Variants in CARHSP1 observed in about 807,000 individuals in gnomAD.
The protein encoded by CARHSP1 is calcium regulated heat stable protein 1, also known as calcium-regulated heat-stable protein 1.
Under a neutral mutation model 12.5 loss-of-function variants are expected in CARHSP1, and 14 were observed. That is an observed-to-expected ratio of 1.12 (90% CI 0.74 to 1.75). The LOEUF is 1.75. Ranked by LOEUF, CARHSP1 falls within the 40% of genes most tolerant of loss-of-function variation. The pLI, the probability that CARHSP1 is intolerant of heterozygous loss-of-function variation, is 0.00. For synonymous variants in CARHSP1, 161 were observed against 82.0 expected (o/e 1.96, Z -5.20); for missense variants, 343 against 201.6 (o/e 1.70, Z -4.25).
chr16:8,862,019 A>ATTTTTTTTTTTTTTTTTTTTTT (rs1555457429), intron 1 of CARHSP1, among the ~76,000 whole-genome samples: 65 of 72,510 alleles, frequency 9.0e-4, no homozygotes, highest in Admixed American at 1.5e-3. Flanking sequence ...TTTTTTTTTA[A>ATTTTTTTTTTTTTTTTTTTTTT]TTTGAGATGG....
intron 1 of CARHSP1, 188 bp downstream of exon 1, chr16:8,868,778 G>A (rs933047436): frequency 3.3e-5 from 5 of 152,138 alleles, no homozygotes; most frequent in African/African-American, 9.7e-5. Flanking sequence ...CCTTCCCCTG[G>A]GGAGGAGCAA....
rs1472338087 is a variant in CARHSP1 at position 8,857,265 on chromosome 16, T to TTTTTGTTTTTTG, written c.281+1084_281+1085insCAAAAAACAAAA. ...GCTATGTGATCTTGGGCAGATCTGT[T>TTTTTGTTTTTTG]TTTTTTTTTTTTTTTTTTTTTTTTT... is the stretch of plus-strand genomic sequence containing the variant. On this transcript the variant is annotated intron_variant, in intron 3 of 3. Coordinates refer to ENST00000311052, the MANE Select transcript of CARHSP1 (RefSeq NM_014316.4). Among the ~76,000 whole-genome samples, 30 of 11,840 alleles carry TTTTTGTTTTTTG rather than the reference T, an allele frequency of 2.5e-3. 6 individuals carry two copies. The highest frequency in any genetic ancestry group is 8.0e-3 in the East Asian group (4 of 502). 7.8% of individuals were successfully genotyped at this position (11,840 alleles called of 152,430 possible).
Position 8,853,418 on chromosome 16 carries a change from G to A in CARHSP1, c.*1746C>T, listed in dbSNP as rs1215872846. ...ATGTACAAGGAGCATCGCAGGCGAG[G>A]AAACAATGGCCAGGACCTAACTGTG... On this transcript the variant is annotated 3_prime_UTR_variant, in exon 4 of 4. Coordinates refer to ENST00000311052, the MANE Select transcript of CARHSP1 (RefSeq NM_014316.4). The A allele has an allele frequency of 3.0e-5, 4 of 133,932 alleles. No homozygotes were observed. The highest frequency in any genetic ancestry group is 3.2e-5 in the Non-Finnish European group (2 of 61,788). 8.3% of individuals were successfully genotyped at this position (133,932 alleles called of 1,614,324 possible).
At position 8,859,156 on chromosome 16, in the gene CARHSP1, C is replaced by T; in HGVS notation, c.158+15G>A. 1.3e-6 allele frequency: 2 copies of T among 1,576,138 alleles called. No homozygotes were observed. The highest frequency in any genetic ancestry group is 1.7e-6 in the Non-Finnish European group (2 of 1,156,088). On this transcript the variant is annotated intron_variant, in intron 2 of 3. Coordinates refer to ENST00000311052, the MANE Select transcript of CARHSP1 (RefSeq NM_014316.4). The stretch of plus-strand genomic sequence containing the variant: ...ATCCATCTGAGAACGCGTCCCCAGC[C>T]TGCTCCAGACTCACGCCGAGAAGGT...
chr16:8,863,311 A>G (rs923817900), intron 1 of CARHSP1, among the ~76,000 whole-genome samples: 3 of 151,922 alleles, frequency 2.0e-5, no homozygotes, highest in African/African-American at 4.8e-5. Context: ...CAGGGTTTCA[A>G]TATGTTGCCC....
chr16:8,855,342 TAAAG>T lies in CARHSP1; in HGVS notation c.282-20_282-17del, dbSNP rs781311450. 3.3e-6 allele frequency: 5 copies of T among 1,522,748 alleles called. No homozygotes were observed. The highest frequency in any genetic ancestry group is 1.3e-5 in the South Asian group (1 of 79,272). The allele number at this position is 1,522,748 out of a possible 1,614,324, so 94.3% of individuals were successfully genotyped here. A position where few individuals can be genotyped will look rare whatever the true frequency, so the allele number is the denominator to read the frequency against. On this transcript the variant is annotated splice_polypyrimidine_tract_variant and intron_variant, in intron 3 of 3. Coordinates refer to ENST00000311052, the MANE Select transcript of CARHSP1 (RefSeq NM_014316.4). Reference sequence around the variant, plus strand: ...CCCTTCCACACTACGGGGGCATAAATAAAGCAGTCAGGGCTCACACCGGGACACA... The same window carrying T: ...CCCTTCCACACTACGGGGGCATAAATCAGTCAGGGCTCACACCGGGACACA...
At position 8,859,193 on chromosome 16, in the gene CARHSP1, G is replaced by T; in HGVS notation, c.136C>A (p.Arg46Ser). 1 of 1,602,190 alleles carries T rather than the reference G, an allele frequency of 6.2e-7. No homozygotes were observed. Among genetic ancestry groups the T allele is most frequent in the Non-Finnish European group, 8.5e-7 (1 of 1,174,540 alleles). Residue 46 changes from arginine to serine, a missense_variant, in exon 2 of 4, where the codon CGC (arginine) becomes AGC (serine). Physicochemically the swap from Arg to Ser is moderately radical, Grantham distance 110 (BLOSUM62 -1). Coordinates refer to ENST00000311052, the MANE Select transcript of CARHSP1 (RefSeq NM_014316.4). ...GNVVPSPLPT[R>S]RTRTFSATVR... is the part of the protein sequence containing the mutation. ...CACGCCGAGAAGGTCCTCGTCCGGC[G>T]AGTGGGCAGTGGGCTTGGGACCACG...
rs1472651940 is a variant in CARHSP1 at position 8,863,137 on chromosome 16, TC to T, written c.-7-3803del. On this transcript the variant is annotated intron_variant, in intron 1 of 3. Coordinates refer to ENST00000311052, the MANE Select transcript of CARHSP1 (RefSeq NM_014316.4). ...CTTTTTTTTTTTTTTTTTTTTTTTT[TC>T]AGATAGGATCTCACTTGGTCACCTA... is the stretch of plus-strand genomic sequence containing the variant. Among the ~76,000 whole-genome samples the T allele has an allele frequency of 8.7e-5, 11 of 126,368 alleles. No homozygotes were observed. In the East Asian group the frequency reaches 2.1e-3, roughly 24 times the overall value. The allele number at this position is 126,368 out of a possible 152,430, so 82.9% of individuals were successfully genotyped here.
chr16:8,864,522 A>G (rs1421574659), intron 1 of CARHSP1, among the ~76,000 whole-genome samples: 2 of 152,202 alleles, frequency 1.3e-5, no homozygotes, highest in Admixed American at 1.3e-4. Flanking sequence ...CGGAGACACA[A>G]AGAGTCAAGT....
intron 1 of CARHSP1, among the ~76,000 whole-genome samples, chr16:8,862,752 G>A (rs1156469216): frequency 5.3e-5 from 8 of 152,194 alleles, no homozygotes; most frequent in Non-Finnish European, 1.2e-4. Flanking sequence ...TGGGGGACTA[G>A]GAATGGGAGG....
At chr16:8,859,999 G>A (rs1318590894) in intron 1 of CARHSP1, 1 of 273,748 alleles carries the variant, frequency 3.7e-6, no homozygotes, top group African/African-American at 2.3e-5. Flanking sequence ...CCAAAGCCAG[G>A]GAGATTTTAA....
chr16:8,860,545 T>C, intron 1 of CARHSP1: 6 of 985,156 alleles, frequency 6.1e-6, no homozygotes, highest in Non-Finnish European at 7.2e-6. Context: ...GGGTAAGTCC[T>C]TTCCCATCTC....
intron 1 of CARHSP1, among the ~76,000 whole-genome samples, chr16:8,861,026 G>A (rs968710232): frequency 2.0e-5 from 3 of 148,048 alleles, no homozygotes; most frequent in Non-Finnish European, 4.5e-5. Flanking sequence ...CTCCAGCCTG[G>A]GTGACAGAGT....
At chr16:8,859,634 T>G (rs1421212509) in intron 1 of CARHSP1, among the ~76,000 whole-genome samples, 1 of 151,876 alleles carries the variant, frequency 6.6e-6, no homozygotes, top group Non-Finnish European at 1.5e-5. Context: ...TCCCGGCACA[T>G]TTGGGACACA....
intron 3 of CARHSP1, among the ~76,000 whole-genome samples, chr16:8,856,351 G>A (rs552923190): frequency 2.6e-5 from 4 of 152,182 alleles, no homozygotes; most frequent in East Asian, 1.9e-4. Flanking sequence ...TTGGAGAATC[G>A]TATGGTGAAG....
chr16:8,860,069 G>C, intron 1 of CARHSP1: 1 of 894,620 alleles, frequency 1.1e-6, no homozygotes, highest in Non-Finnish European at 1.3e-6. Flanking sequence ...GCTGCTGGGA[G>C]CCAGACACCA....
chr16:8,868,881 G>C (rs1208777655), intron 1 of CARHSP1, 85 bp downstream of exon 1: 1 of 152,068 alleles, frequency 6.6e-6, no homozygotes, highest in Non-Finnish European at 1.5e-5. Context: ...GATGGAGGCA[G>C]AGGAGGCCGA....
intron 1 of CARHSP1, chr16:8,861,647 G>T (rs1456481067): frequency 7.8e-7 from 1 of 1,289,110 alleles, no homozygotes; most frequent in African/African-American, 1.5e-5. Context: ...CTTGCCTTCT[G>T]GAGGAGGTGG....
At chr16:8,859,376 G>T (rs536283684) in intron 1 of CARHSP1, 41 bp from the exon 2 acceptor site, 1 of 1,565,240 alleles carries the variant, frequency 6.4e-7, no homozygotes. Flanking sequence ...TGCCTTGCAA[G>T]GTAGGGACCC....
Sources: gnomAD v4.1 joint callset for allele counts (sites outside exome capture counted in the v4.1 genomes callset) on GRCh38, gnomAD v4.1.1 for gene constraint, MANE v1.5 for transcripts, NCBI Gene and HGNC (gene_info 2026-07-23, HGNC 2026-07-21) for gene names.